Variants in KDM4C observed in about 807,000 individuals in gnomAD.
KDM4C encodes the protein lysine-specific demethylase 4C.
In KDM4C, 81 loss-of-function variants were observed where a neutral mutation model predicts 129.3. The observed-to-expected ratio is 0.63, with a 90% CI of 0.52 to 0.75. The LOEUF (loss-of-function observed/expected upper bound fraction) is 0.75, where lower values mean the gene tolerates loss of function less well. Ranked by LOEUF, KDM4C falls within the 30% of genes least tolerant of loss-of-function variation. KDM4C has a pLI of 0.00. For synonymous variants in KDM4C, 573 were observed against 456.1 expected (o/e 1.26, Z -3.26); for missense variants, 1,457 against 1,304.0 (o/e 1.12, Z -1.81).
intron 8 of KDM4C, among the ~76,000 whole-genome samples, chr9:6,979,146 A>G (rs996944244): frequency 3.3e-5 from 5 of 152,182 alleles, no homozygotes; most frequent in Admixed American, 3.3e-4. Context: ...TTGTAAGTCC[A>G]AGCTTTTTTC....
intron 8 of KDM4C, among the ~76,000 whole-genome samples, chr9:6,960,506 A>G (rs117088149): frequency 0.019 from 2,907 of 151,970 alleles, 84 homozygotes; most frequent in Admixed American, 0.068. Context: ...CAGTCCTCCT[A>G]CCTCGGCCTT....
chr9:6,832,680 C>T (rs1341057315), intron 4 of KDM4C, among the ~76,000 whole-genome samples: 1 of 150,976 alleles, frequency 6.6e-6, no homozygotes, highest in African/African-American at 2.4e-5. Flanking sequence ...CCGCCTCGGC[C>T]TCCCAAAGTG....
chr9:7,074,259 G>A (rs796890824), intron 17 of KDM4C, among the ~76,000 whole-genome samples: 3 of 152,174 alleles, frequency 2.0e-5, no homozygotes, highest in African/African-American at 7.2e-5. Context: ...TGTCTCTTGG[G>A]TTCAAACAAT....
intron 1 of KDM4C, among the ~76,000 whole-genome samples, chr9:6,745,762 C>T (rs920657291): frequency 6.6e-6 from 1 of 152,006 alleles, no homozygotes; most frequent in African/African-American, 2.4e-5. Flanking sequence ...CCTCAGCCTC[C>T]CCAGTAGCTG....
Position 6,799,045 on chromosome 9 carries a change from A to G in KDM4C, c.144+5913A>G, listed in dbSNP as rs545406686. On this transcript the variant is annotated intron_variant, in intron 2 of 21. Transcript: ENST00000381309. ...AGGCGCTCCTCACTTCCTAGGTGGG[A>G]TGGCGGCCGGGCAGAGACGCTCCTC... 6.4e-4 allele frequency among the ~76,000 whole-genome samples: 82 copies of G among 128,218 alleles called. 2 individuals are homozygous for G. The East Asian group carries it at 0.017, about 27-fold the overall frequency. The allele number at this position is 128,218 out of a possible 152,430, so 84.1% of individuals were successfully genotyped here.
intron 17 of KDM4C, among the ~76,000 whole-genome samples, chr9:7,050,375 GAA>G (rs995436929): frequency 1.5e-5 from 2 of 131,480 alleles, no homozygotes; most frequent in African/African-American, 5.6e-5. Context: ...GAAGAAGTAA[GAA>G]GAGAGTATAA....
chr9:6,768,656 G>A (rs545304417), intron 1 of KDM4C, among the ~76,000 whole-genome samples: 1 of 152,038 alleles, frequency 6.6e-6, no homozygotes, highest in Non-Finnish European at 1.5e-5. Context: ...TCTTGTTGTA[G>A]GTCTTTTAAG....
rs187215862 is a variant in KDM4C at position 6,916,679 on chromosome 9, A to G, written c.921+23447A>G. ...ATTTATATGTGTGAATAAAATATGA[A>G]TAAAGCCAGTTCTAACTTACAAAGA... On this transcript the variant is annotated intron_variant, in intron 8 of 21. Coordinates refer to ENST00000381309, the MANE Select transcript of KDM4C (RefSeq NM_015061.6). Among the ~76,000 whole-genome samples, 7 of 152,392 alleles carry G rather than the reference A, an allele frequency of 4.6e-5. No individual in the cohort carries two copies. In the East Asian group the frequency reaches 1.3e-3, roughly 29 times the overall value.
At chr9:6,873,602 A>G (rs1443533257) in intron 5 of KDM4C, among the ~76,000 whole-genome samples, 1 of 152,228 alleles carries the variant, frequency 6.6e-6, no homozygotes, top group East Asian at 1.9e-4. Flanking sequence ...CAGTCTTCAT[A>G]GAATTGAAGA....
At chr9:6,977,884 C>A (rs1343674567) in intron 8 of KDM4C, among the ~76,000 whole-genome samples, 1 of 152,082 alleles carries the variant, frequency 6.6e-6, no homozygotes, top group South Asian at 2.1e-4. Context: ...TTCCCCTTGA[C>A]CCTTAAGACC....
At chr9:7,143,514 G>A in intron 19 of KDM4C, among the ~76,000 whole-genome samples, 1 of 152,208 alleles carries the variant, frequency 6.6e-6, no homozygotes, top group East Asian at 1.9e-4. Flanking sequence ...GCGTGCATCA[G>A]TAAAGCGAAA....
chr9:6,931,798 G>A (rs1282749910), intron 8 of KDM4C, among the ~76,000 whole-genome samples: 1 of 152,176 alleles, frequency 6.6e-6, no homozygotes, highest in Non-Finnish European at 1.5e-5. Context: ...ACCATCCTCA[G>A]CCAGCAATAG....
At chr9:7,043,925 A>T (rs1449179409) in intron 15 of KDM4C, among the ~76,000 whole-genome samples, 1 of 151,768 alleles carries the variant, frequency 6.6e-6, no homozygotes, top group Non-Finnish European at 1.5e-5. Flanking sequence ...CAAGATTTTC[A>T]CTCTTCCCTG....
chr9:7,059,484 G>C (rs999176094), intron 17 of KDM4C, among the ~76,000 whole-genome samples: 2 of 152,204 alleles, frequency 1.3e-5, no homozygotes, highest in African/African-American at 4.8e-5. Flanking sequence ...ATGCCTGATA[G>C]ACTAGTGGAT....
chr9:6,990,551 T>A (rs773059735), intron 12 of KDM4C, 27 bp downstream of exon 12: 1 of 364,562 alleles, frequency 2.7e-6, no homozygotes, highest in Admixed American at 1.4e-4. Flanking sequence ...TTTTGGGATT[T>A]TTTTTTTTTT....
intron 4 of KDM4C, among the ~76,000 whole-genome samples, chr9:6,830,574 A>G (rs1298368050): frequency 1.3e-5 from 2 of 152,212 alleles, no homozygotes; most frequent in African/African-American, 2.4e-5. Context: ...GCAGATTTAT[A>G]TATTTGATAT....
chr9:6,878,005 G>A (rs1020664262), intron 5 of KDM4C, among the ~76,000 whole-genome samples: 1 of 152,188 alleles, frequency 6.6e-6, no homozygotes, highest in Admixed American at 6.5e-5. Flanking sequence ...GAAGAGAGAA[G>A]CATGTAAAAT....
intron 15 of KDM4C, 125 bp from the exon 16 acceptor site, chr9:7,046,737 C>G: frequency 1.3e-6 from 1 of 745,918 alleles, no homozygotes. Flanking sequence ...GATAGACCTT[C>G]ATGTAATTCC....
chr9:7,096,477 A>G (rs1836451572), intron 17 of KDM4C, among the ~76,000 whole-genome samples: 2 of 152,152 alleles, frequency 1.3e-5, no homozygotes, highest in South Asian at 2.1e-4. Flanking sequence ...TGTTTGGGCC[A>G]TGTTAGTTTT....
Sources: allele counts gnomAD v4.1 joint callset (sites outside exome capture counted in the v4.1 genomes callset), GRCh38; gene constraint gnomAD v4.1.1; transcripts MANE v1.5; gene names NCBI Gene and HGNC (gene_info 2026-07-23, HGNC 2026-07-21).